The following MEF2C variants were observed in gnomAD, a reference collection of about 807,000 sequenced individuals.
The protein encoded by MEF2C is myocyte enhancer factor 2C, also known as myocyte-specific enhancer factor 2C.
Under a neutral mutation model 50.5 loss-of-function variants are expected in MEF2C, and 6 were observed. That is an observed-to-expected ratio of 0.12 (90% CI 0.07 to 0.23). The LOEUF (loss-of-function observed/expected upper bound fraction) is 0.23, where lower values mean the gene tolerates loss of function less well. Among genes scored for constraint, MEF2C ranks in the 10% least tolerant of loss-of-function variants. The probability of loss-of-function intolerance (pLI) is 1.00; values close to 1 mark genes in which losing one functional copy is unlikely to be tolerated. For synonymous variants in MEF2C, 183 were observed against 228.0 expected (o/e 0.80, Z 1.78); for missense variants, 276 against 605.0 (o/e 0.46, Z 5.70).
intron 1 of MEF2C, among the ~76,000 whole-genome samples, chr5:88,836,344 G>A (rs951847885): frequency 5.9e-5 from 9 of 151,702 alleles, no homozygotes; most frequent in Non-Finnish European, 1.3e-4. Context: ...TATCTAGTAG[G>A]ATGACCTCTG....
At chr5:88,874,146 G>T (rs1830389947) in intron 1 of MEF2C, among the ~76,000 whole-genome samples, 1 of 151,868 alleles carries the variant, frequency 6.6e-6, no homozygotes, top group African/African-American at 2.4e-5. Context: ...CTTGACCAGA[G>T]AATTACTTAC....
intron 3 of MEF2C, chr5:88,772,308 A>T (rs372877666): frequency 5.9e-5 from 9 of 152,358 alleles, no homozygotes; most frequent in Admixed American, 4.6e-4. Flanking sequence ...TGAGACAGTC[A>T]GGAACTCCCA....
intron 10 of MEF2C, among the ~76,000 whole-genome samples, 165 bp from the exon 11 acceptor site, chr5:88,723,090 G>A (rs1756930999): frequency 6.6e-6 from 1 of 152,192 alleles, no homozygotes; most frequent in Non-Finnish European, 1.5e-5. Context: ...TTCTCAGGGC[G>A]ATTTAGGATG....
At chr5:88,730,183 AT>A in intron 8 of MEF2C, 27 bp downstream of exon 8, 1 of 1,575,622 alleles carries the variant, frequency 6.3e-7, no homozygotes, top group Non-Finnish European at 8.6e-7. Flanking sequence ...TGCACATGCC[AT>A]TTGAGGGAAG....
At chr5:88,831,706 A>C (rs1156855003) in intron 1 of MEF2C, among the ~76,000 whole-genome samples, 3 of 152,048 alleles carry the variant, frequency 2.0e-5, no homozygotes, top group African/African-American at 7.2e-5. Context: ...TATCTCTCAA[A>C]ATATATATGA....
chr5:88,809,089 T>C (rs1374049596), intron 2 of MEF2C, among the ~76,000 whole-genome samples: 13 of 152,150 alleles, frequency 8.5e-5, no homozygotes, highest in Non-Finnish European at 2.9e-5. Flanking sequence ...TTTATGTTTT[T>C]CCTTTATATT....
chr5:88,765,279 A>G (rs1385338100), intron 3 of MEF2C, among the ~76,000 whole-genome samples: 1 of 152,238 alleles, frequency 6.6e-6, no homozygotes, highest in Non-Finnish European at 1.5e-5. Context: ...ACATAACCAG[A>G]AAGAACATTG....
chr5:88,740,732 G>C (rs1236926727), intron 6 of MEF2C: 1 of 984,086 alleles, frequency 1.0e-6, no homozygotes, highest in African/African-American at 1.8e-5. Flanking sequence ...TTACTGAAGG[G>C]ATAGTTTTTA....
intron 1 of MEF2C, among the ~76,000 whole-genome samples, chr5:88,892,850 A>G (rs1834740098): frequency 6.6e-6 from 1 of 152,198 alleles, no homozygotes; most frequent in South Asian, 2.1e-4. Context: ...GAGTCCGCTC[A>G]GATTGTCTCC....
intron 1 of MEF2C, among the ~76,000 whole-genome samples, chr5:88,862,126 A>G (rs911390658): frequency 2.6e-5 from 4 of 152,194 alleles, no homozygotes; most frequent in Admixed American, 6.5e-5. Flanking sequence ...CAGACTTGGA[A>G]TTTTGTTCCA....
intron 3 of MEF2C, among the ~76,000 whole-genome samples, chr5:88,791,889 C>T (rs889092548): frequency 6.6e-6 from 1 of 151,864 alleles, no homozygotes; most frequent in Non-Finnish European, 1.5e-5. Context: ...CCCTCAGAAG[C>T]CACAACATAG....
chr5:88,735,227 A>T, intron 6 of MEF2C: 1 of 985,402 alleles, frequency 1.0e-6, no homozygotes, highest in Non-Finnish European at 1.2e-6. Context: ...GCCTGTGTTG[A>T]GCCTGTTGTC....
chr5:88,864,082 G>C (rs763441373), intron 1 of MEF2C, among the ~76,000 whole-genome samples: 5 of 151,088 alleles, frequency 3.3e-5, no homozygotes, highest in Non-Finnish European at 5.9e-5. Context: ...TTGGCCTCCC[G>C]AAGTGCTGGG....
Position 88,810,718 on chromosome 5 carries a change from C to T in MEF2C, c.55-5917G>A, listed in dbSNP as rs1387350552. 3.3e-5 allele frequency among the ~76,000 whole-genome samples: 5 copies of T among 152,180 alleles called. No individual in the cohort carries two copies. In the East Asian group the frequency reaches 9.7e-4, roughly 29 times the overall value. The stretch of plus-strand genomic sequence containing the variant: ...ATCAATGTTAAGTTTATCAAAAAGT[C>T]TCTAGTAAAGTGCCATAGAATTCAG... On this transcript the variant is annotated intron_variant, in intron 2 of 10. Coordinates refer to ENST00000504921, the MANE Select transcript of MEF2C (RefSeq NM_002397.5).
chr5:88,789,983 C>T (rs1792955553), intron 3 of MEF2C, among the ~76,000 whole-genome samples: 1 of 152,164 alleles, frequency 6.6e-6, no homozygotes, highest in Non-Finnish European at 1.5e-5. Flanking sequence ...TCTCTGCACC[C>T]AAGGCACATG....
At chr5:88,769,851 G>T in intron 3 of MEF2C, 3 of 526,926 alleles carry the variant, frequency 5.7e-6, no homozygotes, top group Non-Finnish European at 7.3e-6. Flanking sequence ...TCACAATGTT[G>T]TCCAGGCTGG....
At chr5:88,834,849 G>A (rs1280093235) in intron 1 of MEF2C, among the ~76,000 whole-genome samples, 1 of 152,116 alleles carries the variant, frequency 6.6e-6, no homozygotes, top group African/African-American at 2.4e-5. Flanking sequence ...CTATTATGAG[G>A]TTGTGAGGCT....
intron 2 of MEF2C, among the ~76,000 whole-genome samples, chr5:88,817,252 T>C (rs1378308949): frequency 1.3e-5 from 2 of 152,026 alleles, no homozygotes; most frequent in African/African-American, 2.4e-5. Flanking sequence ...ATTAACTTGA[T>C]GAAAACCAGG....
upstream of MEF2C, chr5:88,884,606 A>G (rs1261543018): frequency 9.3e-6 from 1 of 107,258 alleles, no homozygotes; most frequent in Non-Finnish European, 1.8e-5. Flanking sequence ...TATCTTTTCC[A>G]CACCTTACTG....
Sources: allele counts gnomAD v4.1 joint callset (sites outside exome capture counted in the v4.1 genomes callset), GRCh38; gene constraint gnomAD v4.1.1; transcripts MANE v1.5; gene names NCBI Gene and HGNC (gene_info 2026-07-23, HGNC 2026-07-21).